The following ABCA2 variants were observed in gnomAD, a reference collection of about 807,000 sequenced individuals.
The protein encoded by ABCA2 is ATP-binding cassette sub-family A member 2.
ABCA2 carries 84 observed loss-of-function variants against 262.8 expected under a neutral mutation model. The ratio of observed to expected loss-of-function variants is 0.32; its 90% CI spans 0.27 to 0.38. The LOEUF (loss-of-function observed/expected upper bound fraction) is 0.38. Among genes scored for constraint, ABCA2 ranks in the 10% least tolerant of loss-of-function variants. The pLI, the probability that ABCA2 is intolerant of heterozygous loss-of-function variation, is 1.00. For synonymous variants in ABCA2, 1,696 were observed against 1,502.9 expected (o/e 1.13, Z -2.97); for missense variants, 2,662 against 3,405.9 (o/e 0.78, Z 5.44).
intron 13 of ABCA2, 146 bp downstream of exon 13, chr9:137,018,573 G>T: frequency 1.5e-6 from 1 of 664,884 alleles, no homozygotes; most frequent in Admixed American, 2.5e-5. Context: ...GTTTGGAAGG[G>T]GCAGGGGTGG....
rs781320034 is a variant in ABCA2, at chr9:137,020,478, G to A, written c.1283C>T (p.Ala428Val). The change falls in exon 10 of 49, where the codon GCG becomes GTG. Residue 428 changes from alanine (A) to valine (V), a missense_variant. Physicochemically the swap from Ala to Val is moderately conservative, Grantham distance 64 (BLOSUM62 0). This residue lies in a region of ABCA2 where 92 missense variants were observed against 146.7 expected (regional missense o/e 0.63). Transcript: ENST00000341511. ...CGNNRTIEPE[A>V]LRRGNMSSLG... ...GGAGCTCATGTTGCCCCGCCGCAGCGCCTCGGGTTCAATGGTGCTGGGGTA... is the reference window on the plus strand; with the variant it reads ...GGAGCTCATGTTGCCCCGCCGCAGCACCTCGGGTTCAATGGTGCTGGGGTA... The A allele has an allele frequency of 1.2e-6, 2 of 1,601,798 alleles. No individual in the cohort carries two copies. Among genetic ancestry groups the A allele is most frequent in the Admixed American group, 1.7e-5 (1 of 59,626 alleles).
chr9:137,023,463 G>A (rs1831547979), intron 3 of ABCA2: 1 of 720,564 alleles, frequency 1.4e-6, no homozygotes, highest in African/African-American at 1.7e-5. Context: ...AGCAGAGTGA[G>A]TGCAAGAGCC....
chr9:137,011,109 CG>C lies in ABCA2; in HGVS notation c.5924-5del. On this transcript the variant is annotated splice_polypyrimidine_tract_variant and splice_region_variant and intron_variant, in intron 38 of 48. Coordinates refer to ENST00000341511, the MANE Select transcript of ABCA2 (RefSeq NM_001606.5). This position sits in a 1 kb window ranked among gnomAD's most constrained non-coding sequence, Gnocchi z 8.8. Reference sequence around the variant, plus strand: ...GACTTCATCTTGTCAAACTGGCCTGCGGGGAGACAGCTCAGGGCCTGTGCTC... The same window carrying C: ...GACTTCATCTTGTCAAACTGGCCTGCGGGAGACAGCTCAGGGCCTGTGCTC... 6.2e-7 allele frequency: 1 copy of C among 1,612,348 alleles called. No individual in the cohort carries two copies. The highest frequency in any genetic ancestry group is 8.5e-7 in the Non-Finnish European group (1 of 1,179,806).
Position 137,011,213 on chromosome 9 carries a change from A to G in ABCA2, c.5896T>C (p.Tyr1966His). The G allele has an allele frequency of 6.2e-7, 1 of 1,612,204 alleles. No homozygotes were observed. The highest frequency in any genetic ancestry group is 8.5e-7 in the Non-Finnish European group (1 of 1,179,784). The change falls in exon 38 of 49, where the codon TAC becomes CAC. Residue 1966 changes from tyrosine to histidine, a missense_variant. Around this residue, in one of 12 missense-constraint regions of ABCA2, gnomAD observed 602 missense variants for 897.4 expected, o/e 0.67. Transcript: ENST00000341511. The surrounding 1 kb of genome is among the most constrained non-coding windows in gnomAD (Gnocchi z 8.8). ...HGLMEMAYNE[Y>H]INEYYAKIGQ... ...ATCTTGGCGTAGTACTCGTTGATGT[A>G]CTCGTTGTAGGCCATCTCCATGAGC... is the stretch of plus-strand genomic sequence containing the variant.
Position 137,014,415 on chromosome 9 carries a change from G to A in ABCA2, c.4004-11C>T, listed in dbSNP as rs113149204. ...TGGACTCCTTCACATCTGCCGCAGTGGAAGGGCCGAGGGGACACTCAGGGC... is the reference window on the plus strand; with the variant it reads ...TGGACTCCTTCACATCTGCCGCAGTAGAAGGGCCGAGGGGACACTCAGGGC... On this transcript the variant is annotated splice_polypyrimidine_tract_variant and intron_variant, in intron 26 of 48. Coordinates refer to ENST00000341511, the MANE Select transcript of ABCA2 (RefSeq NM_001606.5). 1.7e-4 allele frequency: 266 copies of A among 1,577,256 alleles called. No individual in the cohort carries two copies. The African/African-American group carries it at 3.1e-3, about 19-fold the overall frequency.
chr9:137,021,121 G>A lies in ABCA2; in HGVS notation c.898-60C>T, dbSNP rs963878288. 6.9e-7 allele frequency: 1 copy of A among 1,443,874 alleles called. No homozygotes were observed. 89.4% of individuals were successfully genotyped at this position (1,443,874 alleles called of 1,614,324 possible). ...GAGATGGACTGCAGGTGGGTGATAG[G>A]TCAGGAGTGGAGCAGGGAGACAGCA... On this transcript the variant is annotated intron_variant, in intron 8 of 48. Transcript: ENST00000341511. The surrounding 1 kb of genome is among the most constrained non-coding windows in gnomAD (Gnocchi z 6.0).
chr9:137,017,172 C>T (rs191171176), intron 18 of ABCA2, 24 bp downstream of exon 18: 317 of 1,611,738 alleles, frequency 2.0e-4, no homozygotes, highest in Middle Eastern at 3.3e-4. Context: ...GCACCCCAGC[C>T]GCCCGCCTGC....
In ABCA2 at chr9:137,010,010, A is replaced by C; in HGVS notation, c.6468T>G (p.Arg2156=). 1 of 1,598,062 alleles carries C rather than the reference A, an allele frequency of 6.3e-7. No individual in the cohort carries two copies. The highest frequency in any genetic ancestry group is 8.5e-7 in the Non-Finnish European group (1 of 1,173,678). The change falls in exon 42 of 49, where the codon CGT becomes CGG. Residue 2156 remains arginine (R), a synonymous_variant. Transcript: ENST00000341511. ...REHLQLYTRL[R]GISWKDEARV... is the part of the protein sequence containing the mutation. ...GGGCCTCGTCCTTCCAGGAGATCCC[A>C]CGCAGCCGCGTGTACAGCTGCAGGT...
Position 137,020,832 on chromosome 9 carries a change from A to C in ABCA2, c.1127T>G (p.Val376Gly). 1 of 1,553,262 alleles carries C rather than the reference A, an allele frequency of 6.4e-7. No homozygotes were observed. Among genetic ancestry groups the C allele is most frequent in the Non-Finnish European group, 8.7e-7 (1 of 1,148,360 alleles). Residue 376 changes from valine to glycine, a missense_variant, in exon 9 of 49, where the codon GTC becomes GGC. Around this residue, in one of 12 missense-constraint regions of ABCA2, gnomAD observed 403 missense variants for 375.9 expected, o/e 1.07. Transcript: ENST00000341511. ...CTCAGCGGTGGCGTTGGGGCCCATGACTGCCCCTGCCCCAGTGCCATTGGC... is the reference window on the plus strand; with the variant it reads ...CTCAGCGGTGGCGTTGGGGCCCATGCCTGCCCCTGCCCCAGTGCCATTGGC... ...GAANGTGAGA[V>G]MGPNATAEEG...
Position 137,009,974 on chromosome 9 carries a change from G to A in ABCA2, c.6495+9C>T, listed in dbSNP as rs2131428539. Reference sequence around the variant, plus strand: ...TGCTGACTCCCTGCCCCGCCCCACAGATCCTCACCCGGGCCTCGTCCTTCC... The same window carrying A: ...TGCTGACTCCCTGCCCCGCCCCACAAATCCTCACCCGGGCCTCGTCCTTCC... On this transcript the variant is annotated intron_variant, in intron 42 of 48. Coordinates refer to ENST00000341511, the MANE Select transcript of ABCA2 (RefSeq NM_001606.5). 1 of 1,597,288 alleles carries A rather than the reference G, an allele frequency of 6.3e-7. No individual in the cohort carries two copies. The highest frequency in any genetic ancestry group is 1.3e-5 in the African/African-American group (1 of 74,612).
intron 48 of ABCA2, 171 bp downstream of exon 48, chr9:137,008,245 C>T (rs1374641608): frequency 1.5e-5 from 13 of 865,968 alleles, no homozygotes; most frequent in African/African-American, 3.3e-5. Flanking sequence ...CATGCAGTTA[C>T]GTCTCTCCAG....
chr9:137,018,333 C>G lies in ABCA2; in HGVS notation c.1838G>C (p.Arg613Pro). 7.4e-7 allele frequency: 1 copy of G among 1,344,304 alleles called. No homozygotes were observed. Among genetic ancestry groups the G allele is most frequent in the Non-Finnish European group, 9.8e-7 (1 of 1,022,460 alleles). 83.3% of individuals were successfully genotyped at this position (1,344,304 alleles called of 1,614,324 possible). ...GTGAGGCGGGAGCGAGCCGTCCTTC[C>G]GGGTCTGGAAGATCACACCTGGGGC... ...TVFASVIFQT[R>P]KDGSLPPHVH... Residue 613 changes from arginine (R) to proline (P), a missense_variant, in exon 14 of 49, where the codon CGG becomes CCG. This residue lies in a region of ABCA2 where 187 missense variants were observed against 205.9 expected (regional missense o/e 0.91). Coordinates refer to ENST00000341511, the MANE Select transcript of ABCA2 (RefSeq NM_001606.5).
intron 13 of ABCA2, 40 bp from the exon 14 acceptor site, chr9:137,018,391 C>CG: frequency 3.6e-6 from 1 of 278,044 alleles, no homozygotes; most frequent in Non-Finnish European, 5.3e-6. Flanking sequence ...GATGCAGGGG[C>CG]GGGACCAAGG....
At chr9:137,014,505 C>T in intron 26 of ABCA2, 101 bp from the exon 27 acceptor site, 1 of 1,457,792 alleles carries the variant, frequency 6.9e-7, no homozygotes, top group Non-Finnish European at 9.2e-7. Context: ...CAGGCTCATA[C>T]ACCTGTCCGG....
Position 137,016,720 on chromosome 9 carries a change from C to T in ABCA2, c.2777G>A (p.Arg926Gln), listed in dbSNP as rs2131450106. Residue 926 changes from arginine to glutamine, a missense_variant, in exon 20 of 49, where the codon CGG (arginine) becomes CAG (glutamine). By Grantham distance (43) the Arg-to-Gln change is conservative. Coordinates refer to ENST00000341511, the MANE Select transcript of ABCA2 (RefSeq NM_001606.5). ...CTTCTGCAGTGGGAAGTACCAGGGCCGGGGCAGCCCGTACATGCCTGGGGG... is the reference window on the plus strand; with the variant it reads ...CTTCTGCAGTGGGAAGTACCAGGGCTGGGGCAGCCCGTACATGCCTGGGGG... ...AVHPGMYGLPRPWYFPLQKSY... is the reference protein window; with the variant it reads ...AVHPGMYGLPQPWYFPLQKSY... 2.6e-6 allele frequency: 4 copies of T among 1,558,820 alleles called. No homozygotes were observed. The highest frequency in any genetic ancestry group is 2.3e-5 in the East Asian group (1 of 44,298).
In ABCA2 at chr9:137,018,765, G is replaced by A. The variant is rs1564225259; in HGVS notation, c.1773C>T (p.Asn591=). Residue 591 remains asparagine, a synonymous_variant, in exon 13 of 49, where the codon AAC becomes AAT. Transcript: ENST00000341511. The stretch of plus-strand genomic sequence containing the variant: ...CCTGGTAGGCCTGGTTGAGGGTGTA[G>A]TTGACAATGCTCTCCTCGTCGGGGA... ...KGFPDEESIV[N]YTLNQAYQDN... is the part of the protein sequence containing the mutation. The A allele has an allele frequency of 3.7e-6, 6 of 1,612,460 alleles. No individual in the cohort carries two copies. Among genetic ancestry groups the A allele is most frequent in the Non-Finnish European group, 3.4e-6 (4 of 1,179,810 alleles).
At chr9:137,008,088 G>A (rs1830896887) in intron 48 of ABCA2, 124 bp from the exon 49 acceptor site, 12 of 1,242,812 alleles carry the variant, frequency 9.7e-6, no homozygotes, top group South Asian at 5.6e-5. Context: ...GTCTCCCCAC[G>A]AGCTCCCTCT....
chr9:137,008,260 A>T (rs4880185), intron 48 of ABCA2, 156 bp downstream of exon 48: 1 of 913,704 alleles, frequency 1.1e-6, no homozygotes, highest in African/African-American at 1.6e-5. Context: ...CTCCAGGCCT[A>T]TCTGCAAGTG....
At chr9:137,012,046 C>T (rs368506629) in intron 34 of ABCA2, 28 bp from the exon 35 acceptor site, 61 of 1,612,316 alleles carry the variant, frequency 3.8e-5, no homozygotes, top group South Asian at 7.7e-5. Context: ...TCAGTCCTCA[C>T]GGCCGGGGCT....
Sources: gnomAD v4.1 joint callset for allele counts on GRCh38, gnomAD v4.1.1 for gene constraint, gnomAD v4.1.1 regional missense constraint, Gnocchi (gnomAD v3.1) non-coding constraint, MANE v1.5 for transcripts, NCBI Gene and HGNC (gene_info 2026-07-23, HGNC 2026-07-21) for gene names.